AGTPBP1: variants seen among roughly 807,000 people sequenced by gnomAD.
The protein encoded by AGTPBP1 is cytosolic carboxypeptidase 1.
In AGTPBP1, 70 loss-of-function variants were observed where a neutral mutation model predicts 143.9. That is an observed-to-expected ratio of 0.49 (90% CI 0.40 to 0.59). The LOEUF (loss-of-function observed/expected upper bound fraction) is 0.59, where lower values mean the gene tolerates loss of function less well. Ranked by LOEUF, AGTPBP1 falls within the 20% of genes least tolerant of loss-of-function variation. The pLI is 0.00. For missense variants in AGTPBP1, 1,229 were observed against 1,464.5 expected, an observed-to-expected ratio of 0.84 and a Z score of 2.62; for synonymous variants, 463 against 500.2, an observed-to-expected ratio of 0.93 and a Z score of 0.99.
At chr9:85,712,721 T>C (rs1033701296) in intron 1 of AGTPBP1, among the ~76,000 whole-genome samples, 155 bp from the exon 2 acceptor site, 1 of 152,220 alleles carries the variant, frequency 6.6e-6, no homozygotes, top group African/African-American at 2.4e-5. Flanking sequence ...GTGCTTCTAC[T>C]GGGTCGCTTC....
intron 25 of AGTPBP1, among the ~76,000 whole-genome samples, chr9:85,554,606 T>A (rs954680364): frequency 2.6e-5 from 4 of 152,166 alleles, no homozygotes; most frequent in Non-Finnish European, 5.9e-5. Context: ...ACTCAGGCAA[T>A]CTGCCCTACT....
chr9:85,774,060 T>A, the AGTPBP1 span: 1 of 1,484,054 alleles, frequency 6.7e-7, no homozygotes, highest in Non-Finnish European at 9.4e-7. Flanking sequence ...TTGACAGTTA[T>A]GTAAAGTTGA....
chr9:85,696,312 G>T (rs1233714227), intron 2 of AGTPBP1, among the ~76,000 whole-genome samples: 2 of 152,104 alleles, frequency 1.3e-5, no homozygotes, highest in Non-Finnish European at 2.9e-5. Flanking sequence ...AATATTTAAA[G>T]AATTTTCTCA....
At chr9:85,717,216 T>G (rs573407656) in intron 1 of AGTPBP1, among the ~76,000 whole-genome samples, 1 of 152,308 alleles carries the variant, frequency 6.6e-6, no homozygotes, top group East Asian at 1.9e-4. Flanking sequence ...CAAAAATAAC[T>G]GAACAGGCTG....
At chr9:85,753,834 A>T in the AGTPBP1 span, among the ~76,000 whole-genome samples, 1 of 152,046 alleles carries the variant, frequency 6.6e-6, no homozygotes, top group Non-Finnish European at 1.5e-5. Flanking sequence ...TCTGAATAAA[A>T]CCTTCAAACA....
At chr9:85,603,683 G>A (rs1457893626) in intron 17 of AGTPBP1, among the ~76,000 whole-genome samples, 1 of 151,982 alleles carries the variant, frequency 6.6e-6, no homozygotes, top group African/African-American at 2.4e-5. Context: ...AGGGCCCCTA[G>A]GGTCCCCAAT....
the AGTPBP1 span, among the ~76,000 whole-genome samples, chr9:85,755,268 T>C: frequency 6.6e-6 from 1 of 152,140 alleles, no homozygotes; most frequent in Non-Finnish European, 1.5e-5. Flanking sequence ...CTTTTCCTAT[T>C]TATTTGTTGT....
the AGTPBP1 span, chr9:85,786,655 G>C: frequency 8.0e-6 from 11 of 1,369,550 alleles, no homozygotes; most frequent in Non-Finnish European, 9.8e-6. Context: ...TAAAGCTCAA[G>C]TTCACTACCT....
At chr9:85,699,617 T>C (rs1836516403) in intron 2 of AGTPBP1, among the ~76,000 whole-genome samples, 1 of 150,110 alleles carries the variant, frequency 6.7e-6, no homozygotes, top group African/African-American at 2.5e-5. Context: ...AAAAAAACCA[T>C]AAAAACATAC....
At chr9:85,693,815 C>G (rs1218575958) in intron 2 of AGTPBP1, among the ~76,000 whole-genome samples, 1 of 152,004 alleles carries the variant, frequency 6.6e-6, no homozygotes, top group Non-Finnish European at 1.5e-5. Context: ...GGGAGAGAGA[C>G]AGTTTTAGAC....
chr9:85,574,869 C>T (rs530952197), intron 25 of AGTPBP1, among the ~76,000 whole-genome samples: 6 of 152,184 alleles, frequency 3.9e-5, no homozygotes, highest in South Asian at 4.1e-4. Context: ...ACACCATGCC[C>T]GGCTAATTCT....
intron 25 of AGTPBP1, among the ~76,000 whole-genome samples, chr9:85,566,529 C>CAAAAAAAAAAAAAAAAAAAA (rs72129899): frequency 1.3e-5 from 1 of 78,548 alleles, no homozygotes; most frequent in African/African-American, 5.8e-5. Flanking sequence ...GACCATGTCT[C>CAAAAAAAAAAAAAAAAAAAA]AAAAAAAAAA....
chr9:85,691,536 G>GGTGAGGGT (rs1554727311), intron 3 of AGTPBP1, among the ~76,000 whole-genome samples: 2 of 144,480 alleles, frequency 1.4e-5, no homozygotes, highest in South Asian at 4.4e-4. Flanking sequence ...AAAAAAAGAG[G>GGTGAGGGT]GTGTGTGTGT....
At chr9:85,551,659 C>T (rs542384556) in intron 25 of AGTPBP1, among the ~76,000 whole-genome samples, 1 of 152,326 alleles carries the variant, frequency 6.6e-6, no homozygotes, top group East Asian at 1.9e-4. Flanking sequence ...CTTTAGTGAA[C>T]AAACTTCAAG....
intron 2 of AGTPBP1, among the ~76,000 whole-genome samples, chr9:85,708,585 C>T (rs1029469532): frequency 6.6e-6 from 1 of 152,130 alleles, no homozygotes; most frequent in Non-Finnish European, 1.5e-5. Flanking sequence ...TCACCGAGGC[C>T]GGAGTGCAAT....
chr9:85,673,936 T>A (rs1476838961), intron 6 of AGTPBP1, among the ~76,000 whole-genome samples: 1 of 151,750 alleles, frequency 6.6e-6, no homozygotes, highest in African/African-American at 2.4e-5. Context: ...CTGGCTAACA[T>A]GGTGAAACCC....
chr9:85,604,907 G>C (rs1299754123), intron 17 of AGTPBP1, among the ~76,000 whole-genome samples: 1 of 152,074 alleles, frequency 6.6e-6, no homozygotes, highest in African/African-American at 2.4e-5. Flanking sequence ...TAGTGAGCCT[G>C]AAGACAGGCT....
chr9:85,559,749 G>T (rs1416738915), intron 25 of AGTPBP1, among the ~76,000 whole-genome samples: 2 of 152,164 alleles, frequency 1.3e-5, no homozygotes, highest in African/African-American at 4.8e-5. Context: ...TGTCATGACA[G>T]TTCCAGGAAC....
chr9:85,551,003 T>G (rs1006961186), intron 25 of AGTPBP1, among the ~76,000 whole-genome samples: 16 of 152,162 alleles, frequency 1.1e-4, no homozygotes, highest in African/African-American at 3.9e-4. Flanking sequence ...CTCACAGTAA[T>G]GAGTTTTCAC....
Sources: allele counts gnomAD v4.1 joint callset (sites outside exome capture counted in the v4.1 genomes callset), GRCh38; gene constraint gnomAD v4.1.1; transcripts MANE v1.5; gene names NCBI Gene and HGNC (gene_info 2026-07-23, HGNC 2026-07-21).